The following MAP1B variants were observed in gnomAD, a reference collection of about 807,000 sequenced individuals.
MAP1B encodes the protein microtubule-associated protein 1B.
A neutral mutation model predicts 176.1 loss-of-function variants in MAP1B; 12 were observed. That is an observed-to-expected ratio of 0.07 (90% CI 0.04 to 0.11). MAP1B has a LOEUF of 0.11. MAP1B is among the 10% of genes least tolerant of loss of function. The probability of loss-of-function intolerance (pLI) is 1.00; values close to 1 mark genes in which losing one functional copy is unlikely to be tolerated. For missense variants in MAP1B, 2,523 were observed against 2,990.5 expected (o/e 0.84, Z 3.65); for synonymous variants, 1,044 against 1,135.0 (o/e 0.92, Z 1.61).
intron 2 of MAP1B, among the ~76,000 whole-genome samples, chr5:72,170,034 T>C (rs1306762697): frequency 3.9e-5 from 6 of 152,190 alleles, no homozygotes; most frequent in African/African-American, 1.4e-4. Flanking sequence ...AGTATCCCAC[T>C]AGGGCAAAAA....
intron 2 of MAP1B, among the ~76,000 whole-genome samples, chr5:72,160,544 G>A (rs1222957382): frequency 1.3e-5 from 2 of 152,140 alleles, no homozygotes; most frequent in Non-Finnish European, 2.9e-5. Context: ...GTTCCATGGT[G>A]TCTTCTGTTT....
chr5:72,136,690 GCCACT>G (rs1745842415), intron 2 of MAP1B, among the ~76,000 whole-genome samples: 1 of 152,098 alleles, frequency 6.6e-6, no homozygotes. Flanking sequence ...TTGTTGGCCA[GCCACT>G]CCCTTTCCCT....
At chr5:72,142,182 C>A (rs1175211543) in intron 2 of MAP1B, among the ~76,000 whole-genome samples, 2 of 152,228 alleles carry the variant, frequency 1.3e-5, no homozygotes, top group Non-Finnish European at 2.9e-5. Flanking sequence ...ACTCTTCCTA[C>A]TTCCCCCAAG....
chr5:72,151,222 A>C (rs1746133946), intron 2 of MAP1B, among the ~76,000 whole-genome samples: 1 of 151,728 alleles, frequency 6.6e-6, no homozygotes, highest in African/African-American at 2.4e-5. Context: ...ATAACAACCC[A>C]CTCTCCTGGG....
At chr5:72,161,894 T>C (rs1197920198) in intron 2 of MAP1B, among the ~76,000 whole-genome samples, 3 of 139,374 alleles carry the variant, frequency 2.2e-5, no homozygotes, top group African/African-American at 8.2e-5. Flanking sequence ...GAGGCGGAGG[T>C]TGCAGTGAGC....
At chr5:72,124,644 T>G (rs1310907125) in intron 2 of MAP1B, among the ~76,000 whole-genome samples, 1 of 152,238 alleles carries the variant, frequency 6.6e-6, no homozygotes, top group Non-Finnish European at 1.5e-5. Flanking sequence ...GAGGACTGTC[T>G]TTGTTGTCAT....
chr5:72,124,689 A>G (rs1404350322), intron 2 of MAP1B, among the ~76,000 whole-genome samples: 1 of 152,220 alleles, frequency 6.6e-6, no homozygotes, highest in African/African-American at 2.4e-5. Context: ...CTTTGCCATT[A>G]ATCTGGCCAT....
chr5:72,183,944 G>A (rs1746836085), intron 3 of MAP1B, 119 bp downstream of exon 3: 3 of 817,896 alleles, frequency 3.7e-6, no homozygotes, highest in Non-Finnish European at 5.9e-6. Context: ...AGAAGTTCTG[G>A]GTTAAGAGGT....
intron 2 of MAP1B, among the ~76,000 whole-genome samples, chr5:72,171,823 C>T (rs1191549769): frequency 6.6e-6 from 1 of 152,138 alleles, no homozygotes; most frequent in African/African-American, 2.4e-5. Context: ...ACCGGGTGTG[C>T]TGTTCTGGGC....
chr5:72,146,191 A>G (rs1316484609), intron 2 of MAP1B, among the ~76,000 whole-genome samples: 1 of 152,256 alleles, frequency 6.6e-6, no homozygotes, highest in Admixed American at 6.5e-5. Context: ...ATTCCAGCCC[A>G]GCATGACACC....
chr5:72,192,096 A>G (rs578004318), intron 4 of MAP1B, among the ~76,000 whole-genome samples: 2 of 152,236 alleles, frequency 1.3e-5, no homozygotes, highest in African/African-American at 4.8e-5. Context: ...ACTATTAAAG[A>G]TACAGCAGTT....
In MAP1B at chr5:72,199,466, T is replaced by G; in HGVS notation, c.6111T>G (p.Thr2037=). The G allele has an allele frequency of 6.2e-7, 1 of 1,614,078 alleles. No individual in the cohort carries two copies. Among genetic ancestry groups the G allele is most frequent in the South Asian group, 1.1e-5 (1 of 91,062 alleles). The change falls in exon 5 of 7, where the codon ACT becomes ACG. Residue 2037 remains threonine, a synonymous_variant. Transcript: ENST00000296755. The surrounding 1 kb of genome is among the most constrained non-coding windows in gnomAD (Gnocchi z 4.2). ...TSTKTTRTPD[T]STYCYETAEK... ...CAAAGACAACACGAACCCCTGATAC[T>G]TCCACATACTGTTACGAGACTGCAG...
chr5:72,177,485 C>T (rs1746673437), intron 2 of MAP1B, among the ~76,000 whole-genome samples: 1 of 152,188 alleles, frequency 6.6e-6, no homozygotes, highest in Non-Finnish European at 1.5e-5. Context: ...TCCGGCCAGG[C>T]CTCTGGGCCC....
Position 72,195,198 on chromosome 5 carries a change from C to G in MAP1B, c.1843C>G (p.Pro615Ala). ...GGTTCCCAGCAAAGAAGAGCCATCT[C>G]CAGTGAAAGCCGAGGTGGCTGAGAA... The part of the protein sequence containing the change: ...KEVPSKEEPS[P>A]VKAEVAEKQA... Residue 615 changes from proline to alanine, a missense_variant, in exon 5 of 7, where the codon CCA becomes GCA. Physicochemically the swap from Pro to Ala is conservative, Grantham distance 27. This residue lies in a region of MAP1B where 1,925 missense variants were observed against 2,126.0 expected (regional missense o/e 0.91). Coordinates refer to ENST00000296755, the MANE Select transcript of MAP1B (RefSeq NM_005909.5). 6.2e-7 allele frequency: 1 copy of G among 1,613,724 alleles called. No homozygotes were observed. Among genetic ancestry groups the G allele is most frequent in the Non-Finnish European group, 8.5e-7 (1 of 1,179,978 alleles).
In MAP1B at chr5:72,205,516, A is replaced by G; in HGVS notation, c.*277A>G. Reference sequence around the variant, plus strand: ...AACATTTGGAAACCATGCACTAGCCAACCCAACTGACTTCTGCTAGGTAGA... The same window carrying G: ...AACATTTGGAAACCATGCACTAGCCGACCCAACTGACTTCTGCTAGGTAGA... On this transcript the variant is annotated 3_prime_UTR_variant, in exon 7 of 7. Coordinates refer to ENST00000296755, the MANE Select transcript of MAP1B (RefSeq NM_005909.5). The G allele has an allele frequency of 2.9e-6, 1 of 347,948 alleles. No individual in the cohort carries two copies. The highest frequency in any genetic ancestry group is 5.3e-6 in the Non-Finnish European group (1 of 188,548). 21.6% of individuals were successfully genotyped at this position (347,948 alleles called of 1,614,324 possible). A position where few individuals can be genotyped will look rare whatever the true frequency, so the allele number is the denominator to read the frequency against.
chr5:72,107,651 G>A lies in MAP1B; in HGVS notation c.120G>A (p.Leu40=). The A allele has an allele frequency of 6.2e-7, 1 of 1,600,296 alleles. No individual in the cohort carries two copies. Among genetic ancestry groups the A allele is most frequent in the South Asian group, 1.1e-5 (1 of 91,032 alleles). The change falls in exon 1 of 7, where the codon CTG becomes CTA. Residue 40 remains leucine, a synonymous_variant. Transcript: ENST00000296755. ...TCCTTGACAGCAAGTTCTACTTGCT[G>A]GTGGTCGTCGGCGAGATCGTGACCG... ...HRFLDSKFYL[L]VVVGEIVTEE... is the part of the protein sequence containing the mutation.
At position 72,196,557 on chromosome 5, in the gene MAP1B, C is replaced by A. The variant is rs756607403; in HGVS notation, c.3202C>A (p.Pro1068Thr). 3 of 1,613,732 alleles carry A rather than the reference C, an allele frequency of 1.9e-6. No individual in the cohort carries two copies. The highest frequency in any genetic ancestry group is 2.5e-6 in the Non-Finnish European group (3 of 1,180,012). Residue 1068 changes from proline to threonine, a missense_variant, in exon 5 of 7, where the codon CCA (proline) becomes ACA (threonine). Physicochemically the swap from Pro to Thr is conservative, Grantham distance 38 (BLOSUM62 -1). Coordinates refer to ENST00000296755, the MANE Select transcript of MAP1B (RefSeq NM_005909.5). This position sits in a 1 kb window ranked among gnomAD's most constrained non-coding sequence, Gnocchi z 5.3. ...AEEQYGFLTT[P>T]TKQLGAQSPG... ...GGAGCAGTATGGATTCCTCACCACA[C>A]CAACCAAGCAACTAGGAGCCCAGTC...
chr5:72,138,795 A>C (rs1579990926), intron 2 of MAP1B, among the ~76,000 whole-genome samples: 1 of 152,350 alleles, frequency 6.6e-6, no homozygotes, highest in Non-Finnish European at 1.5e-5. Flanking sequence ...TGATACCAAA[A>C]TAATTTTTGT....
intron 2 of MAP1B, among the ~76,000 whole-genome samples, chr5:72,145,342 T>A (rs2112159100): frequency 6.6e-6 from 1 of 151,892 alleles, no homozygotes; most frequent in South Asian, 2.1e-4. Flanking sequence ...AAGCACAGAA[T>A]GATTTTAATC....
Sources: gnomAD v4.1 joint callset for allele counts (sites outside exome capture counted in the v4.1 genomes callset) on GRCh38, gnomAD v4.1.1 for gene constraint, gnomAD v4.1.1 regional missense constraint, Gnocchi (gnomAD v3.1) non-coding constraint, MANE v1.5 for transcripts, NCBI Gene and HGNC (gene_info 2026-07-23, HGNC 2026-07-21) for gene names.